Variants in EPB41L2 observed in about 807,000 individuals in gnomAD.
EPB41L2 encodes the protein erythrocyte membrane protein band 4.1 like 2.
EPB41L2 carries 43 observed loss-of-function variants against 113.0 expected under a neutral mutation model. That is an observed-to-expected ratio of 0.38 (90% CI 0.30 to 0.49). The LOEUF (loss-of-function observed/expected upper bound fraction) is 0.49, where lower values mean the gene tolerates loss of function less well. EPB41L2 is among the 20% of genes least tolerant of loss of function. The probability of loss-of-function intolerance (pLI) is 0.95; values close to 1 mark genes in which losing one functional copy is unlikely to be tolerated. For synonymous variants in EPB41L2, 442 were observed against 436.7 expected, an observed-to-expected ratio of 1.01 and a Z score of -0.15; for missense variants, 1,147 against 1,223.4, an observed-to-expected ratio of 0.94 and a Z score of 0.93.
At position 130,977,106 on chromosome 6, in the gene EPB41L2, C is replaced by G. The variant is rs926148925; in HGVS notation, c.-14-20607G>C. Among the ~76,000 whole-genome samples, 5 of 152,142 alleles carry G rather than the reference C, an allele frequency of 3.3e-5. No homozygotes were observed. In the South Asian group the frequency reaches 1.0e-3, roughly 32 times the overall value. Reference sequence around the variant, plus strand: ...CTTTGAAGGAGCAGATGCTACCACTCGGTCATAATGACACCCACCTTGCCT... The same window carrying G: ...CTTTGAAGGAGCAGATGCTACCACTGGGTCATAATGACACCCACCTTGCCT... On this transcript the variant is annotated intron_variant, in intron 1 of 19. Coordinates refer to ENST00000337057, the MANE Select transcript of EPB41L2 (RefSeq NM_001431.4).
intron 1 of EPB41L2, among the ~76,000 whole-genome samples, chr6:131,031,379 G>A (rs1792127070): frequency 1.3e-5 from 2 of 151,620 alleles, no homozygotes; most frequent in South Asian, 4.2e-4. Flanking sequence ...AGCTGATAGA[G>A]TACCAAAAAA....
intron 1 of EPB41L2, among the ~76,000 whole-genome samples, chr6:130,990,515 G>C (rs570459434): frequency 6.6e-6 from 1 of 152,248 alleles, no homozygotes; most frequent in South Asian, 2.1e-4. Context: ...AGATTGTCAG[G>C]CTGGTTTAAA....
chr6:130,848,201 A>T (rs57188554), intron 19 of EPB41L2, among the ~76,000 whole-genome samples: 6,610 of 52,672 alleles, frequency 0.13, 157 homozygotes, highest in African/African-American at 0.19. Context: ...TCTCTCTCTC[A>T]CACACACACA....
chr6:130,916,043 T>C (rs1470630177), intron 4 of EPB41L2, among the ~76,000 whole-genome samples: 2 of 152,376 alleles, frequency 1.3e-5, no homozygotes, highest in South Asian at 2.1e-4. Context: ...TATTTAGTTA[T>C]TGGCTTTCTT....
At chr6:130,895,820 C>G (rs999753011) in intron 8 of EPB41L2, among the ~76,000 whole-genome samples, 1 of 152,162 alleles carries the variant, frequency 6.6e-6, no homozygotes, top group Non-Finnish European at 1.5e-5. Flanking sequence ...GAATCGATGA[C>G]AATCTAGAAT....
intron 3 of EPB41L2, among the ~76,000 whole-genome samples, chr6:130,942,578 A>AT (rs932792292): frequency 3.8e-4 from 58 of 152,326 alleles, no homozygotes; most frequent in Middle Eastern, 6.8e-3. Flanking sequence ...TCTGGCAAAG[A>AT]TTTTTTAAAT....
intron 4 of EPB41L2, among the ~76,000 whole-genome samples, chr6:130,913,477 C>A (rs985043042): frequency 3.9e-5 from 6 of 152,162 alleles, no homozygotes; most frequent in Non-Finnish European, 7.3e-5. Context: ...AGGGCTGGAA[C>A]AGACCATATT....
intron 4 of EPB41L2, among the ~76,000 whole-genome samples, chr6:130,925,536 AT>A (rs1804438954): frequency 1.3e-5 from 2 of 152,188 alleles, no homozygotes; most frequent in South Asian, 4.1e-4. Flanking sequence ...AGAACATGTT[AT>A]TCTACATATT....
intron 1 of EPB41L2, among the ~76,000 whole-genome samples, chr6:131,054,354 G>C (rs1797206584): frequency 6.6e-6 from 1 of 152,114 alleles, no homozygotes; most frequent in Non-Finnish European, 1.5e-5. Context: ...GTCCCTGCAA[G>C]TTTCTGCTAG....
chr6:131,001,862 G>C (rs1784440035), intron 1 of EPB41L2, among the ~76,000 whole-genome samples: 1 of 152,028 alleles, frequency 6.6e-6, no homozygotes, highest in Admixed American at 6.6e-5. Context: ...CTTCCCTCAA[G>C]ATAAAGAAAG....
chr6:131,052,173 G>A (rs1796698515), intron 1 of EPB41L2, among the ~76,000 whole-genome samples: 3 of 152,058 alleles, frequency 2.0e-5, no homozygotes, highest in Admixed American at 2.0e-4. Flanking sequence ...CTGACCTCAG[G>A]CAATCCAACT....
At chr6:130,985,297 G>T (rs184045336) in intron 1 of EPB41L2, among the ~76,000 whole-genome samples, 5 of 152,058 alleles carry the variant, frequency 3.3e-5, no homozygotes, top group East Asian at 1.9e-4. Flanking sequence ...GCCACATTTG[G>T]GGGGGGACTT....
At chr6:130,886,398 A>T (rs1004464914) in intron 11 of EPB41L2, among the ~76,000 whole-genome samples, 15 of 152,122 alleles carry the variant, frequency 9.9e-5, no homozygotes, top group African/African-American at 3.6e-4. Flanking sequence ...GGGAACGTGA[A>T]CATCTTCCAA....
intron 19 of EPB41L2, among the ~76,000 whole-genome samples, chr6:130,853,981 T>C (rs1779503774): frequency 6.6e-6 from 1 of 152,084 alleles, no homozygotes; most frequent in Non-Finnish European, 1.5e-5. Context: ...TTTTTAAGAG[T>C]GAGCTGCAGC....
intron 1 of EPB41L2, among the ~76,000 whole-genome samples, chr6:131,008,324 C>G (rs1425778155): frequency 6.6e-6 from 1 of 152,248 alleles, no homozygotes; most frequent in Non-Finnish European, 1.5e-5. Flanking sequence ...TGGTGTTGAC[C>G]CTGCGGGCGC....
At chr6:131,016,718 G>A (rs898562006) in intron 1 of EPB41L2, among the ~76,000 whole-genome samples, 5 of 151,996 alleles carry the variant, frequency 3.3e-5, no homozygotes, top group African/African-American at 4.8e-5. Context: ...GCTGAGGCAC[G>A]AGAATCACTG....
chr6:130,888,313 A>C (rs918538175), intron 11 of EPB41L2, among the ~76,000 whole-genome samples: 1 of 152,152 alleles, frequency 6.6e-6, no homozygotes, highest in African/African-American at 2.4e-5. Context: ...AATCCTTTTG[A>C]TGACTTACCC....
At chr6:130,928,791 T>C (rs1043027861) in intron 3 of EPB41L2, among the ~76,000 whole-genome samples, 2 of 152,248 alleles carry the variant, frequency 1.3e-5, no homozygotes, top group South Asian at 4.1e-4. Context: ...GCATTTACTA[T>C]TACTGCACCG....
At chr6:130,920,633 C>T (rs941485592) in intron 4 of EPB41L2, among the ~76,000 whole-genome samples, 3 of 152,014 alleles carry the variant, frequency 2.0e-5, no homozygotes, top group Non-Finnish European at 4.4e-5. Flanking sequence ...TCCCCTCCTC[C>T]GAATAGCTGG....
Sources: allele counts gnomAD v4.1 joint callset (sites outside exome capture counted in the v4.1 genomes callset), GRCh38; gene constraint gnomAD v4.1.1; transcripts MANE v1.5; gene names NCBI Gene and HGNC (gene_info 2026-07-23, HGNC 2026-07-21).